The following CCDC60 variants were observed in gnomAD, a reference collection of about 807,000 sequenced individuals.
The protein encoded by CCDC60 is coiled-coil domain containing 60.
A neutral mutation model predicts 63.5 loss-of-function variants in CCDC60; 54 were observed. The observed-to-expected ratio is 0.85, with a 90% CI of 0.68 to 1.07. The LOEUF is 1.07. Ranked by LOEUF, CCDC60 falls within the 50% of genes least tolerant of loss-of-function variation. The pLI is 0.00. For missense variants in CCDC60, 651 were observed against 684.3 expected, an observed-to-expected ratio of 0.95 and a Z score of 0.54; for synonymous variants, 206 against 238.8, an observed-to-expected ratio of 0.86 and a Z score of 1.27.
At chr12:119,380,144 G>T (rs1199406003) in intron 1 of CCDC60, among the ~76,000 whole-genome samples, 2 of 152,208 alleles carry the variant, frequency 1.3e-5, no homozygotes, top group African/African-American at 4.8e-5. Flanking sequence ...GCTTTTTCAA[G>T]ATTTTTCAGT....
intron 1 of CCDC60, among the ~76,000 whole-genome samples, chr12:119,407,359 A>AAAAGG (rs1157045965): frequency 6.6e-6 from 1 of 151,956 alleles, no homozygotes; most frequent in Non-Finnish European, 1.5e-5. Context: ...AAAAGAAAAG[A>AAAAGG]AAAGAAAAGA....
chr12:119,361,150 G>A (rs1955785600), intron 1 of CCDC60, among the ~76,000 whole-genome samples: 1 of 145,498 alleles, frequency 6.9e-6, no homozygotes, highest in Admixed American at 7.1e-5. Context: ...GGGAGACCAT[G>A]GGGAGAGGGA....
chr12:119,491,313 T>TTTTG (rs879317261), intron 5 of CCDC60, among the ~76,000 whole-genome samples: 1 of 152,100 alleles, frequency 6.6e-6, no homozygotes, highest in Non-Finnish European at 1.5e-5. Context: ...ACACATCTCT[T>TTTTG]TTTGTTTGTT....
intron 1 of CCDC60, among the ~76,000 whole-genome samples, chr12:119,371,120 T>G (rs1396220255): frequency 6.6e-6 from 1 of 152,210 alleles, no homozygotes; most frequent in Non-Finnish European, 1.5e-5. Context: ...GTTGGTTCTC[T>G]CTACCTGATT....
intron 2 of CCDC60, among the ~76,000 whole-genome samples, chr12:119,455,513 AC>A (rs1378717702): frequency 1.3e-5 from 2 of 152,222 alleles, no homozygotes; most frequent in Non-Finnish European, 2.9e-5. Flanking sequence ...ACCTTGAAGG[AC>A]AAATAGAAAT....
chr12:119,527,049 G>A (rs1035816824), intron 11 of CCDC60, among the ~76,000 whole-genome samples: 1 of 152,134 alleles, frequency 6.6e-6, no homozygotes, highest in Non-Finnish European at 1.5e-5. Context: ...ATAAAAAATT[G>A]TGGTACATTC....
chr12:119,349,786 G>A (rs563688399), intron 1 of CCDC60, among the ~76,000 whole-genome samples: 56 of 152,224 alleles, frequency 3.7e-4, no homozygotes, highest in South Asian at 1.9e-3. Flanking sequence ...CAGTAATCAC[G>A]AATATACCCT....
intron 3 of CCDC60, among the ~76,000 whole-genome samples, chr12:119,478,374 A>C (rs968721819): frequency 2.0e-5 from 3 of 151,960 alleles, no homozygotes; most frequent in Non-Finnish European, 4.4e-5. Flanking sequence ...CCCCCCAAAA[A>C]AAATCCTATT....
chr12:119,476,354 T>C (rs976404044), intron 3 of CCDC60, among the ~76,000 whole-genome samples: 4 of 152,272 alleles, frequency 2.6e-5, no homozygotes, highest in Admixed American at 2.0e-4. Flanking sequence ...CCACATATCC[T>C]AAACCACTGG....
chr12:119,404,434 TC>T (rs1294656272), intron 1 of CCDC60, among the ~76,000 whole-genome samples: 1 of 151,680 alleles, frequency 6.6e-6, no homozygotes, highest in Non-Finnish European at 1.5e-5. Context: ...TCTGCCTACC[TC>T]CCCCCCACCA....
intron 11 of CCDC60, among the ~76,000 whole-genome samples, chr12:119,524,808 G>T (rs571645436): frequency 7.0e-6 from 1 of 142,044 alleles, no homozygotes; most frequent in South Asian, 2.2e-4. Context: ...CTGCAGCCTC[G>T]AGTGATAAGT....
chr12:119,399,958 C>A (rs1956359034), intron 1 of CCDC60, among the ~76,000 whole-genome samples: 1 of 152,082 alleles, frequency 6.6e-6, no homozygotes, highest in Non-Finnish European at 1.5e-5. Flanking sequence ...GCACTCCATG[C>A]TCTGCTATTT....
chr12:119,422,335 G>A (rs929616408), intron 1 of CCDC60, among the ~76,000 whole-genome samples: 1 of 152,198 alleles, frequency 6.6e-6, no homozygotes, highest in Admixed American at 6.5e-5. Context: ...TGCAGAGACG[G>A]TGTATTAGTC....
chr12:119,523,247 C>A (rs1952578165), intron 10 of CCDC60, among the ~76,000 whole-genome samples: 3 of 152,220 alleles, frequency 2.0e-5, no homozygotes, highest in Admixed American at 2.0e-4. Context: ...GTCTTCATTA[C>A]CTTGCTTGTT....
intron 13 of CCDC60, among the ~76,000 whole-genome samples, chr12:119,533,935 GTTTTTTCCAATT>G (rs1952930300): frequency 6.6e-6 from 1 of 152,148 alleles, no homozygotes. Context: ...TTTTAAAGTA[GTTTTTTCCAATT>G]TTGTGAAGAA....
intron 3 of CCDC60, among the ~76,000 whole-genome samples, chr12:119,477,935 GGAGA>G (rs368475876): frequency 2.4e-4 from 36 of 151,746 alleles, no homozygotes; most frequent in African/African-American, 8.7e-4. Context: ...GAGAGAGAGA[GGAGA>G]GAGAGAGAGA....
At chr12:119,490,450 C>G (rs957331470) in intron 5 of CCDC60, among the ~76,000 whole-genome samples, 1 of 152,084 alleles carries the variant, frequency 6.6e-6, no homozygotes, top group African/African-American at 2.4e-5. Context: ...GACCTGGGAC[C>G]CCTCCAACTT....
intron 7 of CCDC60, among the ~76,000 whole-genome samples, chr12:119,506,668 G>C (rs146125252): frequency 2.0e-5 from 3 of 151,806 alleles, no homozygotes; most frequent in African/African-American, 7.3e-5. Context: ...AGGAAAATAG[G>C]AAAATTCATT....
intron 13 of CCDC60, among the ~76,000 whole-genome samples, chr12:119,532,396 CTATTAT>C (rs71451846): frequency 0.17 from 24,073 of 142,196 alleles, 2,651 homozygotes; most frequent in East Asian, 0.48. Flanking sequence ...CATCACAGAA[CTATTAT>C]TATTATTATT....
Sources: gnomAD v4.1 joint callset for allele counts (sites outside exome capture counted in the v4.1 genomes callset) on GRCh38, gnomAD v4.1.1 for gene constraint, MANE v1.5 for transcripts, NCBI Gene and HGNC (gene_info 2026-07-23, HGNC 2026-07-21) for gene names.